BAG2: variants seen among roughly 807,000 people sequenced by gnomAD.
The protein encoded by BAG2 is BAG family molecular chaperone regulator 2.
In BAG2, 8 loss-of-function variants were observed where a neutral mutation model predicts 16.4. The ratio of observed to expected loss-of-function variants is 0.49; its 90% CI spans 0.29 to 0.88. The LOEUF is 0.88. Ranked by LOEUF, BAG2 falls within the 40% of genes least tolerant of loss-of-function variation. The probability of loss-of-function intolerance (pLI) is 0.09; values close to 1 mark genes in which losing one functional copy is unlikely to be tolerated. For missense variants in BAG2, 218 were observed against 248.9 expected (o/e 0.88, Z 0.84); for synonymous variants, 82 against 89.2 (o/e 0.92, Z 0.46).
In BAG2 at chr6:57,188,376, A is replaced by G. The variant is rs987274613; in HGVS notation, c.*4186A>G. ...CAGTTCTTATTTAAAAAAAGATAAAACTAGGTACATAAAATTATATTACAG... is the reference window on the plus strand; with the variant it reads ...CAGTTCTTATTTAAAAAAAGATAAAGCTAGGTACATAAAATTATATTACAG... On this transcript the variant is annotated 3_prime_UTR_variant, in exon 3 of 3. Coordinates refer to ENST00000370693, the MANE Select transcript of BAG2 (RefSeq NM_004282.4). 2.6e-5 allele frequency: 4 copies of G among 152,180 alleles called. No individual in the cohort carries two copies. The highest frequency in any genetic ancestry group is 2.6e-4 in the Admixed American group (4 of 15,280). The allele number at this position is 152,180 out of a possible 1,614,324, so 9.4% of individuals were successfully genotyped here. A position where few individuals can be genotyped will look rare whatever the true frequency, so the allele number is the denominator to read the frequency against.
At chr6:57,174,247 C>T (rs1764215262) in intron 1 of BAG2, 1 of 1,234,548 alleles carries the variant, frequency 8.1e-7, no homozygotes, top group Non-Finnish European at 1.1e-6. Flanking sequence ...GTCTTCAGAA[C>T]GTTGAGGGCA....
chr6:57,174,853 AAGT>A (rs1350438221), intron 1 of BAG2, among the ~76,000 whole-genome samples: 5 of 152,166 alleles, frequency 3.3e-5, no homozygotes, highest in African/African-American at 1.2e-4. Context: ...TTGACTAATA[AAGT>A]AGTGTAACTG....
In BAG2 at chr6:57,185,003, A is replaced by T. The variant is rs981535667; in HGVS notation, c.*813A>T. ...TTTTATGGACATTTAGGTTGTTTCC[A>T]ACTTGTTGCTATTACTGCAACATAT... is the stretch of plus-strand genomic sequence containing the variant. On this transcript the variant is annotated 3_prime_UTR_variant, in exon 3 of 3. Coordinates refer to ENST00000370693, the MANE Select transcript of BAG2 (RefSeq NM_004282.4). The T allele has an allele frequency of 6.6e-6, 1 of 152,194 alleles. No individual in the cohort carries two copies. The highest frequency in any genetic ancestry group is 1.5e-5 in the Non-Finnish European group (1 of 68,028). 9.4% of individuals were successfully genotyped at this position (152,194 alleles called of 1,614,324 possible).
In BAG2 at chr6:57,184,220, CA is replaced by C; in HGVS notation, c.*31del. 1 of 1,477,210 alleles carries C rather than the reference CA, an allele frequency of 6.8e-7. No homozygotes were observed. The highest frequency in any genetic ancestry group is 8.9e-7 in the Non-Finnish European group (1 of 1,117,696). 91.5% of individuals were successfully genotyped at this position (1,477,210 alleles called of 1,614,324 possible). A position where few individuals can be genotyped will look rare whatever the true frequency, so the allele number is the denominator to read the frequency against. ...CAAACCTAAGAGCATTTACACAATACACAAGGTGTAAAAATGATAAAATACT... is the reference window on the plus strand; with the variant it reads ...CAAACCTAAGAGCATTTACACAATACCAAGGTGTAAAAATGATAAAATACT... On this transcript the variant is annotated 3_prime_UTR_variant, in exon 3 of 3. Coordinates refer to ENST00000370693, the MANE Select transcript of BAG2 (RefSeq NM_004282.4).
chr6:57,183,764 A>T lies in BAG2; in HGVS notation c.224-14A>T, dbSNP rs200266617. 1.1e-4 allele frequency: 167 copies of T among 1,539,034 alleles called. No individual in the cohort carries two copies. The African/African-American group carries it at 1.8e-3, about 17-fold the overall frequency. On this transcript the variant is annotated splice_polypyrimidine_tract_variant and intron_variant, in intron 2 of 2. Coordinates refer to ENST00000370693, the MANE Select transcript of BAG2 (RefSeq NM_004282.4). ...TTTGACACAGATAAGTTTACATCTC[A>T]TATTGATTTTTAGGAGAAAGAGAAG...
At chr6:57,179,568 G>C (rs1764379607) in intron 1 of BAG2, among the ~76,000 whole-genome samples, 1 of 152,102 alleles carries the variant, frequency 6.6e-6, no homozygotes, top group Admixed American at 6.5e-5. Context: ...ACAGCAGTTA[G>C]GATTAGATCT....
intron 2 of BAG2, among the ~76,000 whole-genome samples, chr6:57,183,305 G>A (rs968135327): frequency 6.6e-6 from 1 of 152,228 alleles, no homozygotes; most frequent in African/African-American, 2.4e-5. Flanking sequence ...GAAGGATGAA[G>A]TCAGTGCCTA....
At chr6:57,173,073 A>T in intron 1 of BAG2, 2 of 920,480 alleles carry the variant, frequency 2.2e-6, no homozygotes, top group Non-Finnish European at 1.4e-6. Context: ...CACTTTGATT[A>T]ATTTACCTAG....
At chr6:57,183,745 A>ACAGAT (rs1764540225) in intron 2 of BAG2, 33 bp from the exon 3 acceptor site, 1 of 1,479,750 alleles carries the variant, frequency 6.8e-7, no homozygotes, top group African/African-American at 1.4e-5. Context: ...TGTTTTTGAC[A>ACAGAT]CAGATAAGTT....
intron 1 of BAG2, chr6:57,173,629 CTT>C (rs1174705956): frequency 6.5e-6 from 4 of 618,770 alleles, no homozygotes; most frequent in Non-Finnish European, 8.1e-6. Flanking sequence ...TTTGGAAAGA[CTT>C]TAACGGTGTA....
chr6:57,172,646 C>G lies in BAG2; in HGVS notation c.-52C>G. 1 of 1,402,556 alleles carries G rather than the reference C, an allele frequency of 7.1e-7. No homozygotes were observed. Among genetic ancestry groups the G allele is most frequent in the Middle Eastern group, 2.3e-4 (1 of 4,274 alleles). 86.9% of individuals were successfully genotyped at this position (1,402,556 alleles called of 1,614,324 possible). On this transcript the variant is annotated 5_prime_UTR_variant, in exon 1 of 3. Transcript: ENST00000370693. ...TGCAGCCCAAGGAGCGCTCCACTCGCTGCCGCCGGAGGGGCCGGTGACCTC... is the reference window on the plus strand; with the variant it reads ...TGCAGCCCAAGGAGCGCTCCACTCGGTGCCGCCGGAGGGGCCGGTGACCTC...
In BAG2 at chr6:57,184,193, T is replaced by G. The variant is rs748444615; in HGVS notation, c.*3T>G. 35 of 1,532,106 alleles carry G rather than the reference T, an allele frequency of 2.3e-5. 1 individual carries two copies. In the South Asian group the frequency reaches 4.6e-4, roughly 20 times the overall value. 94.9% of individuals were successfully genotyped at this position (1,532,106 alleles called of 1,614,324 possible). A position where few individuals can be genotyped will look rare whatever the true frequency, so the allele number is the denominator to read the frequency against. ...ATGCTGAAAGCAGATTCAATTAGTC[T>G]TCAAACCTAAGAGCATTTACACAAT... is the stretch of plus-strand genomic sequence containing the variant. On this transcript the variant is annotated 3_prime_UTR_variant, in exon 3 of 3. Transcript: ENST00000370693.
At chr6:57,175,554 AAT>A (rs1355184922) in intron 1 of BAG2, among the ~76,000 whole-genome samples, 1 of 152,230 alleles carries the variant, frequency 6.6e-6, no homozygotes, top group Non-Finnish European at 1.5e-5. Flanking sequence ...GAAGAATCTG[AAT>A]AGACTGGCCT....
At chr6:57,176,829 CT>C (rs570111425) in intron 1 of BAG2, among the ~76,000 whole-genome samples, 98 of 152,230 alleles carry the variant, frequency 6.4e-4, no homozygotes, top group African/African-American at 2.1e-3. Flanking sequence ...TTATTTGAAA[CT>C]TTAAGAACCC....
intron 1 of BAG2, among the ~76,000 whole-genome samples, chr6:57,180,135 A>G (rs1764393575): frequency 6.6e-6 from 1 of 152,160 alleles, no homozygotes; most frequent in South Asian, 2.1e-4. Context: ...TTCTCAAACC[A>G]GTAAAAATCA....
Position 57,176,167 on chromosome 6 carries a change from C to T in BAG2, c.113+3357C>T, listed in dbSNP as rs535458581. On this transcript the variant is annotated intron_variant, in intron 1 of 2. Coordinates refer to ENST00000370693, the MANE Select transcript of BAG2 (RefSeq NM_004282.4). Reference sequence around the variant, plus strand: ...GGCTAATGTTTATTCATTTAATGTACACGGACTATGTGCCAGGCCCCATGT... The same window carrying T: ...GGCTAATGTTTATTCATTTAATGTATACGGACTATGTGCCAGGCCCCATGT... Among the ~76,000 whole-genome samples the T allele has an allele frequency of 5.3e-5, 8 of 152,298 alleles. No individual in the cohort carries two copies. The South Asian group carries it at 1.7e-3, about 32-fold the overall frequency.
chr6:57,172,450 C>G lies in BAG2; in HGVS notation c.-248C>G. 3.1e-6 allele frequency: 1 copy of G among 326,528 alleles called. No individual in the cohort carries two copies. Among genetic ancestry groups the G allele is most frequent in the Non-Finnish European group, 5.6e-6 (1 of 178,120 alleles). The allele number at this position is 326,528 out of a possible 1,614,324, so 20.2% of individuals were successfully genotyped here. On this transcript the variant is annotated 5_prime_UTR_variant, in exon 1 of 3. Coordinates refer to ENST00000370693, the MANE Select transcript of BAG2 (RefSeq NM_004282.4). ...CCTCGAGCCCGTGTGGCTCGCGAAC[C>G]TCTAACTCCAGCCGCTGCAGCCCCC...
intron 1 of BAG2, among the ~76,000 whole-genome samples, chr6:57,176,937 A>G (rs1011171568): frequency 6.6e-5 from 10 of 152,204 alleles, no homozygotes; most frequent in African/African-American, 2.2e-4. Flanking sequence ...ATGCTACTGA[A>G]AAGTGGCTCT....
In BAG2 at chr6:57,186,679, G is replaced by A. The variant is rs1196780782; in HGVS notation, c.*2489G>A. 1 of 152,152 alleles carries A rather than the reference G, an allele frequency of 6.6e-6. No homozygotes were observed. The highest frequency in any genetic ancestry group is 1.5e-5 in the Non-Finnish European group (1 of 68,024). 9.4% of individuals were successfully genotyped at this position (152,152 alleles called of 1,614,324 possible). On this transcript the variant is annotated 3_prime_UTR_variant, in exon 3 of 3. Transcript: ENST00000370693. ...ATGGGAGTATAATTTATTTTCAAAT[G>A]ATGATGAATCTCCTGAGTCACATTT...
Sources: gnomAD v4.1 joint callset for allele counts (sites outside exome capture counted in the v4.1 genomes callset) on GRCh38, gnomAD v4.1.1 for gene constraint, MANE v1.5 for transcripts, NCBI Gene and HGNC (gene_info 2026-07-23, HGNC 2026-07-21) for gene names.